Variants in FSTL4 observed in about 807,000 individuals in gnomAD.
FSTL4 encodes the protein follistatin-related protein 4.
In FSTL4, 28 loss-of-function variants were observed where a neutral mutation model predicts 78.2. The ratio of observed to expected loss-of-function variants is 0.36; its 90% CI spans 0.27 to 0.49. The LOEUF (loss-of-function observed/expected upper bound fraction) is 0.49. Ranked by LOEUF, FSTL4 falls within the 20% of genes least tolerant of loss-of-function variation. The pLI, the probability that FSTL4 is intolerant of heterozygous loss-of-function variation, is 0.98. For synonymous variants in FSTL4, 422 were observed against 440.5 expected, an observed-to-expected ratio of 0.96 and a Z score of 0.53; for missense variants, 922 against 1,084.9, an observed-to-expected ratio of 0.85 and a Z score of 2.11.
chr5:133,402,749 T>C (rs1223553221), intron 3 of FSTL4, among the ~76,000 whole-genome samples: 1 of 152,252 alleles, frequency 6.6e-6, no homozygotes, highest in African/African-American at 2.4e-5. Flanking sequence ...CTAAGAAGTA[T>C]TGACTTTTTC....
intron 4 of FSTL4, among the ~76,000 whole-genome samples, chr5:133,398,116 C>T (rs1756119909): frequency 6.6e-6 from 1 of 152,154 alleles, no homozygotes; most frequent in South Asian, 2.1e-4. Context: ...CCCCTGGAGC[C>T]ATGGTTCTGG....
At chr5:133,657,734 T>C in the FSTL4 span, among the ~76,000 whole-genome samples, 4 of 151,710 alleles carry the variant, frequency 2.6e-5, no homozygotes, top group Non-Finnish European at 5.9e-5. Context: ...TCTATTTGCA[T>C]TACTAAATGT....
chr5:133,220,928 C>A (rs746883569), intron 11 of FSTL4, 62 bp from the exon 12 acceptor site: 3 of 942,470 alleles, frequency 3.2e-6, no homozygotes, highest in Non-Finnish European at 5.3e-6. Context: ...CAGGGTCACA[C>A]GCAGCATTGA....
chr5:133,574,415 C>T (rs1007166950), intron 2 of FSTL4, among the ~76,000 whole-genome samples: 1 of 152,348 alleles, frequency 6.6e-6, no homozygotes, highest in East Asian at 1.9e-4. Context: ...AGAGGCTCCT[C>T]CCCTGGAGAC....
At chr5:133,328,363 T>C (rs1019831274) in intron 4 of FSTL4, among the ~76,000 whole-genome samples, 4 of 152,272 alleles carry the variant, frequency 2.6e-5, no homozygotes, top group African/African-American at 9.6e-5. Context: ...TTGATGTTGC[T>C]ATACAATCTG....
At chr5:133,289,809 G>A (rs1307810468) in intron 6 of FSTL4, among the ~76,000 whole-genome samples, 1 of 152,124 alleles carries the variant, frequency 6.6e-6, no homozygotes, top group African/African-American at 2.4e-5. Context: ...ATGGGTGGGG[G>A]GACTTATTTC....
At chr5:133,800,650 C>T in the FSTL4 span, among the ~76,000 whole-genome samples, 100,031 of 135,644 alleles carry the variant, frequency 0.74, 42,731 homozygotes, top group Middle Eastern at 0.9. Context: ...ATAACTACTT[C>T]GCAGCCCTTT....
chr5:133,378,485 C>A (rs145965840), intron 4 of FSTL4, among the ~76,000 whole-genome samples: 1 of 152,110 alleles, frequency 6.6e-6, no homozygotes, highest in Admixed American at 6.5e-5. Context: ...GGTTAACATA[C>A]AAATTATATA....
intron 4 of FSTL4, among the ~76,000 whole-genome samples, chr5:133,389,382 T>G (rs908275007): frequency 2.0e-5 from 3 of 152,210 alleles, no homozygotes; most frequent in Non-Finnish European, 2.9e-5. Context: ...TTAACTTCCC[T>G]GTAACCAGCA....
At chr5:133,337,151 T>C (rs1381263817) in intron 4 of FSTL4, among the ~76,000 whole-genome samples, 1 of 152,218 alleles carries the variant, frequency 6.6e-6, no homozygotes, top group Non-Finnish European at 1.5e-5. Flanking sequence ...GCCCCCAACC[T>C]GCCCTTGCAC....
At chr5:133,665,590 A>G in the FSTL4 span, among the ~76,000 whole-genome samples, 1 of 152,190 alleles carries the variant, frequency 6.6e-6, no homozygotes, top group African/African-American at 2.4e-5. Flanking sequence ...CCTGGTGGCT[A>G]CTGGCATCAA....
chr5:133,336,808 C>G (rs548460328), intron 4 of FSTL4, among the ~76,000 whole-genome samples: 2 of 152,306 alleles, frequency 1.3e-5, no homozygotes, highest in Non-Finnish European at 2.9e-5. Flanking sequence ...CCAGCCTGTG[C>G]TTGTCTCCCT....
the FSTL4 span, among the ~76,000 whole-genome samples, chr5:133,788,155 T>C: frequency 1.3e-5 from 2 of 152,104 alleles, no homozygotes; most frequent in Non-Finnish European, 2.9e-5. Context: ...GGAGCAGAGG[T>C]AAGAACTGTT....
intron 3 of FSTL4, among the ~76,000 whole-genome samples, chr5:133,491,014 A>C (rs1202340048): frequency 6.6e-6 from 1 of 152,212 alleles, no homozygotes; most frequent in Non-Finnish European, 1.5e-5. Flanking sequence ...TATGCTGTTT[A>C]CCTGGGTGAC....
At chr5:133,661,095 A>G in the FSTL4 span, among the ~76,000 whole-genome samples, 1 of 152,104 alleles carries the variant, frequency 6.6e-6, no homozygotes, top group Non-Finnish European at 1.5e-5. Context: ...GGTTCAAGCG[A>G]TTCTCCTGCC....
chr5:133,288,012 A>G (rs1209802410), intron 6 of FSTL4, among the ~76,000 whole-genome samples: 1 of 152,218 alleles, frequency 6.6e-6, no homozygotes, highest in Non-Finnish European at 1.5e-5. Context: ...CAGCTGTGCT[A>G]TTGCCCAACC....
chr5:133,832,974 A>T, the FSTL4 span, among the ~76,000 whole-genome samples: 1 of 152,172 alleles, frequency 6.6e-6, no homozygotes, highest in Non-Finnish European at 1.5e-5. Context: ...TGTTTTTTTA[A>T]CCATTTTTGA....
the FSTL4 span, among the ~76,000 whole-genome samples, chr5:133,791,982 C>T: frequency 2.0e-5 from 3 of 152,234 alleles, no homozygotes; most frequent in African/African-American, 4.8e-5. Context: ...AGTGAGTTGG[C>T]ATGCCTTTGC....
In FSTL4 at chr5:133,577,833, GGA is replaced by G. The variant is rs1760319022; in HGVS notation, c.127-10616_127-10615del. Among the ~76,000 whole-genome samples, 4 of 152,258 alleles carry G rather than the reference GGA, an allele frequency of 2.6e-5. No homozygotes were observed. The South Asian group carries it at 8.3e-4, about 32-fold the overall frequency. On this transcript the variant is annotated intron_variant, in intron 2 of 15. Coordinates refer to ENST00000265342, the MANE Select transcript of FSTL4 (RefSeq NM_015082.2). ...AGGTGGGAGGATCACCTGAGCCCAG[GGA>G]GGTAGAGGCTGCAATGGAGCGCCAC...
Sources: gnomAD v4.1 joint callset for allele counts (sites outside exome capture counted in the v4.1 genomes callset) on GRCh38, gnomAD v4.1.1 for gene constraint, MANE v1.5 for transcripts, NCBI Gene and HGNC (gene_info 2026-07-23, HGNC 2026-07-21) for gene names.